The following IQCJ variants were observed in gnomAD, a reference collection of about 807,000 sequenced individuals.
The protein encoded by IQCJ is IQ domain-containing protein J.
IQCJ carries 9 observed loss-of-function variants against 11.0 expected under a neutral mutation model. That is an observed-to-expected ratio of 0.82 (90% confidence interval 0.49 to 1.43). The LOEUF (loss-of-function observed/expected upper bound fraction) is 1.43. IQCJ is among the 40% of genes most tolerant of loss of function. The pLI is 0.00. For synonymous variants in IQCJ, 55 were observed against 51.3 expected (o/e 1.07, Z -0.31); for missense variants, 146 against 133.2 (o/e 1.10, Z -0.47).
At chr3:159,242,574 T>C (rs1210010913) in intron 1 of IQCJ, among the ~76,000 whole-genome samples, 1 of 151,686 alleles carries the variant, frequency 6.6e-6, no homozygotes, top group Non-Finnish European at 1.5e-5. Flanking sequence ...TGAATCTTTT[T>C]TTTTTTTTTT....
At chr3:159,243,314 C>A (rs73031427) in intron 1 of IQCJ, among the ~76,000 whole-genome samples, 2,461 of 152,214 alleles carry the variant, frequency 0.016, 67 homozygotes, top group African/African-American at 0.056. Context: ...AACAGATTTG[C>A]ACAGCAATGA....
intron 1 of IQCJ, among the ~76,000 whole-genome samples, chr3:159,191,414 G>T (rs1723680901): frequency 6.6e-6 from 1 of 152,142 alleles, no homozygotes; most frequent in Non-Finnish European, 1.5e-5. Flanking sequence ...GACAGAAATG[G>T]TATATCTCAT....
intron 1 of IQCJ, among the ~76,000 whole-genome samples, chr3:159,075,471 A>G (rs768591006): frequency 1.3e-5 from 2 of 152,126 alleles, no homozygotes; most frequent in East Asian, 3.9e-4. Context: ...TGTGACAGTG[A>G]TAACAGAGAT....
At chr3:159,148,998 T>C (rs1721059554) in intron 1 of IQCJ, among the ~76,000 whole-genome samples, 1 of 152,194 alleles carries the variant, frequency 6.6e-6, no homozygotes, top group African/African-American at 2.4e-5. Flanking sequence ...TTTAATTGTG[T>C]CAGATCTGTG....
At chr3:159,215,542 C>G (rs888765540) in intron 1 of IQCJ, among the ~76,000 whole-genome samples, 7 of 152,126 alleles carry the variant, frequency 4.6e-5, no homozygotes, top group Non-Finnish European at 7.4e-5. Context: ...AAAGGCGTTA[C>G]AACTGTTTCA....
chr3:159,153,470 C>T (rs904379168), intron 1 of IQCJ, among the ~76,000 whole-genome samples: 1 of 152,148 alleles, frequency 6.6e-6, no homozygotes, highest in African/African-American at 2.4e-5. Flanking sequence ...GCTATTAATT[C>T]CCGTTCATTT....
chr3:159,073,883 A>G (rs746636108), intron 1 of IQCJ, among the ~76,000 whole-genome samples: 1 of 152,062 alleles, frequency 6.6e-6, no homozygotes, highest in Non-Finnish European at 1.5e-5. Flanking sequence ...GAACATTAGA[A>G]TTGTTTATTT....
intron 1 of IQCJ, among the ~76,000 whole-genome samples, chr3:159,145,247 A>G (rs1720860496): frequency 6.6e-6 from 1 of 152,228 alleles, no homozygotes; most frequent in Non-Finnish European, 1.5e-5. Context: ...TGAGGGAGAG[A>G]AAAGAGTGTG....
rs57810703 is a variant in IQCJ at position 159,116,614 on chromosome 3, GTATATATATATATATA to G, written c.9+47214_9+47229del. On this transcript the variant is annotated intron_variant, in intron 1 of 3. Transcript: ENST00000397832. The stretch of plus-strand genomic sequence containing the variant: ...TTCTATTTTAGCATCCTGCTCATAT[GTATATATATATATATA>G]TATATATATATATATATATATATAT... Among the ~76,000 whole-genome samples the G allele has an allele frequency of 8.1e-3, 465 of 57,586 alleles. 2 individuals are homozygous for G. The highest frequency in any genetic ancestry group is 0.014 in the African/African-American group (241 of 17,226). The allele number at this position is 57,586 out of a possible 152,430, so 37.8% of individuals were successfully genotyped here.
chr3:159,102,502 G>C (rs553185871), intron 1 of IQCJ, among the ~76,000 whole-genome samples: 2 of 152,236 alleles, frequency 1.3e-5, no homozygotes, highest in East Asian at 1.9e-4. Flanking sequence ...CTCTGATTGG[G>C]AAAGGTAGTA....
At chr3:159,139,619 T>A (rs1260189161) in intron 1 of IQCJ, among the ~76,000 whole-genome samples, 3 of 152,318 alleles carry the variant, frequency 2.0e-5, no homozygotes, top group African/African-American at 7.2e-5. Flanking sequence ...TTGGGGCTGT[T>A]ACTGTGAAGA....
chr3:159,178,923 G>T (rs55835213), intron 1 of IQCJ, among the ~76,000 whole-genome samples: 33,696 of 152,042 alleles, frequency 0.22, 4,550 homozygotes, highest in South Asian at 0.38. Flanking sequence ...TATTGATTTT[G>T]ATTTTGATTT....
At chr3:159,092,770 TATAAG>T (rs1458246187) in intron 1 of IQCJ, among the ~76,000 whole-genome samples, 15 of 148,462 alleles carry the variant, frequency 1.0e-4, no homozygotes, top group African/African-American at 2.8e-4. Context: ...TGTAAACTGT[TATAAG>T]ATAATATTTC....
chr3:159,226,301 G>C (rs1327867735), intron 1 of IQCJ, among the ~76,000 whole-genome samples: 1 of 152,172 alleles, frequency 6.6e-6, no homozygotes, highest in Non-Finnish European at 1.5e-5. Context: ...ATGAAGCTAT[G>C]TAGGGGCCCA....
At chr3:159,258,982 T>A (rs771985052) in intron 3 of IQCJ, among the ~76,000 whole-genome samples, 1 of 152,154 alleles carries the variant, frequency 6.6e-6, no homozygotes, top group Non-Finnish European at 1.5e-5. Context: ...TTCCTCTCCA[T>A]CAATCTCAAT....
At chr3:159,119,698 G>T (rs1409582178) in intron 1 of IQCJ, among the ~76,000 whole-genome samples, 2 of 152,150 alleles carry the variant, frequency 1.3e-5, no homozygotes, top group African/African-American at 2.4e-5. Flanking sequence ...ATTCTATAAA[G>T]TGTGATTTTT....
intron 1 of IQCJ, among the ~76,000 whole-genome samples, chr3:159,147,126 G>C (rs1416081722): frequency 2.6e-5 from 4 of 152,142 alleles, no homozygotes; most frequent in Non-Finnish European, 5.9e-5. Flanking sequence ...TAGAATTTAT[G>C]CTAATTTTTA....
chr3:159,151,759 C>A (rs1215257986), intron 1 of IQCJ, among the ~76,000 whole-genome samples: 2 of 152,226 alleles, frequency 1.3e-5, no homozygotes, highest in African/African-American at 4.8e-5. Flanking sequence ...CCTCAGCCTC[C>A]TGAGCAGCTG....
chr3:159,127,480 C>T (rs1719742328), intron 1 of IQCJ, among the ~76,000 whole-genome samples: 1 of 152,172 alleles, frequency 6.6e-6, no homozygotes, highest in African/African-American at 2.4e-5. Flanking sequence ...TCAGGAAACT[C>T]TAGTTGTTTT....
Sources: allele counts gnomAD v4.1 joint callset (sites outside exome capture counted in the v4.1 genomes callset), GRCh38; gene constraint gnomAD v4.1.1; transcripts MANE v1.5; gene names NCBI Gene and HGNC (gene_info 2026-07-23, HGNC 2026-07-21).